The following THSD7B variants were observed in gnomAD, a reference collection of about 807,000 sequenced individuals.
THSD7B encodes thrombospondin type 1 domain containing 7B.
THSD7B carries 138 observed loss-of-function variants against 213.6 expected under a neutral mutation model. The observed-to-expected ratio is 0.65, with a 90% CI of 0.56 to 0.74. The LOEUF is 0.74. Among genes scored for constraint, THSD7B ranks in the 30% least tolerant of loss-of-function variants. The pLI is 0.00. For synonymous variants in THSD7B, 742 were observed against 687.0 expected (o/e 1.08, Z -1.25); for missense variants, 1,931 against 1,991.5 (o/e 0.97, Z 0.58).
intron 15 of THSD7B, among the ~76,000 whole-genome samples, chr2:137,561,573 C>T (rs1562662): frequency 0.3 from 46,106 of 151,972 alleles, 7,991 homozygotes; most frequent in African/African-American, 0.48. Context: ...ATGATGAAAA[C>T]ATAAATTCAG....
chr2:136,986,020 C>A (rs1685666675), intron 2 of THSD7B, among the ~76,000 whole-genome samples: 1 of 152,170 alleles, frequency 6.6e-6, no homozygotes, highest in African/African-American at 2.4e-5. Flanking sequence ...TGACCAATTT[C>A]TCCTTTTTGA....
intron 5 of THSD7B, among the ~76,000 whole-genome samples, chr2:137,133,096 A>C (rs1688771267): frequency 6.6e-6 from 1 of 152,214 alleles, no homozygotes; most frequent in South Asian, 2.1e-4. Flanking sequence ...CTGTCTATTT[A>C]AAAATACTCC....
chr2:137,471,082 G>T (rs1688085718), intron 15 of THSD7B, among the ~76,000 whole-genome samples: 1 of 151,840 alleles, frequency 6.6e-6, no homozygotes, highest in South Asian at 2.1e-4. Context: ...ACCACGCCTG[G>T]CTAATGTTTT....
rs188942637 is a variant in THSD7B at position 137,082,008 on chromosome 2, C to T, written c.951-12865C>T. ...TATCTCTAAGGTCTACCAGCTATTC[C>T]GTCTATATATGATTATCCATGACTG... is the stretch of plus-strand genomic sequence containing the variant. On this transcript the variant is annotated intron_variant, in intron 3 of 27. Coordinates refer to ENST00000409968, the MANE Select transcript of THSD7B (RefSeq NM_001316349.2). 2.0e-4 allele frequency among the ~76,000 whole-genome samples: 31 copies of T among 152,092 alleles called. No homozygotes were observed. In the East Asian group the frequency reaches 5.4e-3, roughly 27 times the overall value.
chr2:137,503,311 A>G (rs1679753140), intron 15 of THSD7B, among the ~76,000 whole-genome samples: 1 of 152,174 alleles, frequency 6.6e-6, no homozygotes, highest in African/African-American at 2.4e-5. Context: ...CCTAATCAGT[A>G]TAAAAAACAT....
Position 137,452,514 on chromosome 2 carries a change from T to C in THSD7B, c.3138+1491T>C, listed in dbSNP as rs531138560. Among the ~76,000 whole-genome samples the C allele has an allele frequency of 2.0e-5, 3 of 152,264 alleles. No individual in the cohort carries two copies. In the South Asian group the frequency reaches 6.2e-4, roughly 32 times the overall value. ...GGGGGAATTTTCTGGGCATTTAAAA[T>C]GAAAAGAACTACTAAGCACTTATAG... On this transcript the variant is annotated intron_variant, in intron 15 of 27. Coordinates refer to ENST00000409968, the MANE Select transcript of THSD7B (RefSeq NM_001316349.2).
intron 14 of THSD7B, among the ~76,000 whole-genome samples, chr2:137,433,990 G>A (rs1687240472): frequency 6.6e-6 from 1 of 152,028 alleles, no homozygotes; most frequent in African/African-American, 2.4e-5. Flanking sequence ...TCTTGACTCT[G>A]ACATCTCATA....
intron 2 of THSD7B, among the ~76,000 whole-genome samples, chr2:136,947,303 T>C (rs1185084003): frequency 6.6e-6 from 1 of 152,212 alleles, no homozygotes; most frequent in Non-Finnish European, 1.5e-5. Flanking sequence ...TTTGAAATAT[T>C]TGGTTAATTG....
intron 17 of THSD7B, among the ~76,000 whole-genome samples, chr2:137,583,266 A>C (rs1681626921): frequency 6.6e-6 from 1 of 152,042 alleles, no homozygotes; most frequent in African/African-American, 2.4e-5. Flanking sequence ...AGATTGCAAA[A>C]ATTTTCTCCC....
chr2:137,537,357 A>C (rs1172677245), intron 15 of THSD7B, among the ~76,000 whole-genome samples: 1 of 151,750 alleles, frequency 6.6e-6, no homozygotes, highest in Non-Finnish European at 1.5e-5. Flanking sequence ...CTATACTTCT[A>C]TCTAAAGCCA....
In THSD7B at chr2:137,104,963, G is replaced by A. The variant is rs541191119; in HGVS notation, c.1199+9842G>A. 9.2e-5 allele frequency among the ~76,000 whole-genome samples: 14 copies of A among 152,158 alleles called. No individual in the cohort carries two copies. The South Asian group carries it at 1.9e-3, about 20-fold the overall frequency. ...TGCAGGACCAAACGGATTCACAGCC[G>A]AATTCTACCAGAGGTTCAAAGAGGA... On this transcript the variant is annotated intron_variant, in intron 4 of 27. Transcript: ENST00000409968.
chr2:137,270,159 T>A (rs1443306991), intron 10 of THSD7B, among the ~76,000 whole-genome samples: 1 of 105,828 alleles, frequency 9.4e-6, no homozygotes, highest in Non-Finnish European at 1.9e-5. Flanking sequence ...GGAGACAGTG[T>A]GAGGCAATAC....
intron 12 of THSD7B, among the ~76,000 whole-genome samples, chr2:137,308,123 A>G (rs1683800894): frequency 2.0e-5 from 3 of 151,944 alleles, no homozygotes. Context: ...TGTTAAAGTA[A>G]CCCCTTCTTG....
chr2:137,585,221 C>A (rs1053292706), intron 17 of THSD7B, among the ~76,000 whole-genome samples: 10 of 151,964 alleles, frequency 6.6e-5, no homozygotes, highest in East Asian at 3.9e-4. Flanking sequence ...CTGTTTGATT[C>A]TTCTCTCTTT....
intron 2 of THSD7B, among the ~76,000 whole-genome samples, chr2:136,912,194 C>T (rs1043871017): frequency 1.3e-4 from 19 of 151,620 alleles, no homozygotes; most frequent in African/African-American, 2.9e-4. Context: ...TGCTGGTGGG[C>T]GCCCATAATC....
At chr2:137,282,850 C>G (rs1407997086) in intron 12 of THSD7B, among the ~76,000 whole-genome samples, 5 of 152,148 alleles carry the variant, frequency 3.3e-5, no homozygotes, top group Admixed American at 6.6e-5. Flanking sequence ...ATGCCTCCAG[C>G]TTTGTTCTTT....
chr2:137,331,723 T>C (rs1684512796), intron 12 of THSD7B, among the ~76,000 whole-genome samples: 1 of 152,094 alleles, frequency 6.6e-6, no homozygotes, highest in African/African-American at 2.4e-5. Context: ...GACTCAGGCA[T>C]GGCGGGCTGC....
intron 15 of THSD7B, among the ~76,000 whole-genome samples, chr2:137,538,653 T>G (rs554879301): frequency 2.6e-5 from 4 of 151,868 alleles, no homozygotes; most frequent in African/African-American, 9.6e-5. Context: ...AAGAGTCACT[T>G]TCTCAAACGT....
intron 7 of THSD7B, among the ~76,000 whole-genome samples, chr2:137,171,487 G>A (rs916128829): frequency 6.6e-6 from 1 of 152,154 alleles, no homozygotes; most frequent in Non-Finnish European, 1.5e-5. Context: ...TATTAACAAT[G>A]ATGTCTTTCC....
Sources: gnomAD v4.1 joint callset for allele counts (sites outside exome capture counted in the v4.1 genomes callset) on GRCh38, gnomAD v4.1.1 for gene constraint, MANE v1.5 for transcripts, NCBI Gene and HGNC (gene_info 2026-07-23, HGNC 2026-07-21) for gene names.